TPO: variants seen among roughly 807,000 people sequenced by gnomAD.
TPO encodes the protein thyroid peroxidase, also known as thyroid microsomal antigen.
TPO carries 78 observed loss-of-function variants against 96.9 expected under a neutral mutation model. That is an observed-to-expected ratio of 0.81 (90% CI 0.67 to 0.97). TPO has a LOEUF of 0.97. Among genes scored for constraint, TPO ranks in the 50% least tolerant of loss-of-function variants. TPO has a pLI of 0.00. For synonymous variants in TPO, 547 were observed against 538.0 expected (o/e 1.02, Z -0.23); for missense variants, 1,252 against 1,274.8 (o/e 0.98, Z 0.27).
chr2:1,454,628 G>C lies in TPO; in HGVS notation c.612+805G>C, dbSNP rs566244181. On this transcript the variant is annotated intron_variant, in intron 6 of 16. Transcript: ENST00000329066. The stretch of plus-strand genomic sequence containing the variant: ...GCAGGGACAAGGCAATTGGGCTCAC[G>C]CTCTGCTCCCACTGGCTTCCTGCAA... Among the ~76,000 whole-genome samples the C allele has an allele frequency of 1.4e-4, 22 of 152,272 alleles. No homozygotes were observed. The South Asian group carries it at 3.5e-3, about 24-fold the overall frequency.
chr2:1,438,863 T>C lies in TPO; in HGVS notation c.482+2479T>C, dbSNP rs1252601812. The C allele has an allele frequency of 4.2e-6, 3 of 717,288 alleles. No homozygotes were observed. The South Asian group carries it at 4.4e-5, about 11-fold the overall frequency. 44.4% of individuals were successfully genotyped at this position (717,288 alleles called of 1,614,324 possible). ...CATTCCGAAACTGCCAACTAACCTG[T>C]TTAACTAGGAACCTTCCAGCAGGAC... On this transcript the variant is annotated intron_variant, in intron 5 of 16. Transcript: ENST00000329066.
intron 5 of TPO, 99 bp from the exon 6 acceptor site, chr2:1,453,595 C>T (rs759408422): frequency 6.9e-6 from 11 of 1,596,786 alleles, no homozygotes; most frequent in Non-Finnish European, 8.6e-6. Flanking sequence ...CGGAGAGACC[C>T]CACTTATTCT....
At chr2:1,536,134 C>G (rs1419690940) in intron 15 of TPO, among the ~76,000 whole-genome samples, 1 of 45,564 alleles carries the variant, frequency 2.2e-5, no homozygotes, top group Non-Finnish European at 4.4e-5. Context: ...CCCCAAATCC[C>G]CCAATCTATG....
chr2:1,495,512 G>A (rs1156318673), intron 11 of TPO, among the ~76,000 whole-genome samples: 1 of 152,234 alleles, frequency 6.6e-6, no homozygotes, highest in Non-Finnish European at 1.5e-5. Flanking sequence ...CTCTAAAATA[G>A]CTGGATTTGC....
intron 13 of TPO, among the ~76,000 whole-genome samples, chr2:1,500,505 A>C (rs1029564976): frequency 1.3e-5 from 2 of 152,214 alleles, no homozygotes; most frequent in Non-Finnish European, 2.9e-5. Context: ...ATTGATAAGA[A>C]TATAAGCACT....
intron 15 of TPO, among the ~76,000 whole-genome samples, chr2:1,527,925 ACCT>A (rs1377069791): frequency 2.2e-5 from 2 of 90,256 alleles, no homozygotes; most frequent in African/African-American, 4.7e-5. Context: ...AATGTGAGCA[ACCT>A]CCTCAAATCC....
intron 7 of TPO, among the ~76,000 whole-genome samples, chr2:1,469,777 TC>T (rs34131144): frequency 6.6e-6 from 1 of 152,172 alleles, no homozygotes; most frequent in Admixed American, 6.5e-5. Flanking sequence ...GGACGATCTC[TC>T]CCACTTCCTC....
Position 1,542,724 on chromosome 2 carries a change from A to ATTACACATCTTTATTTTG in TPO, c.*252_*269dup. The ATTACACATCTTTATTTTG allele has an allele frequency of 9.0e-7, 1 of 1,105,998 alleles. No homozygotes were observed. The highest frequency in any genetic ancestry group is 2.5e-5 in the Admixed American group (1 of 39,804). The allele number at this position is 1,105,998 out of a possible 1,614,324, so 68.5% of individuals were successfully genotyped here. The stretch of plus-strand genomic sequence containing the variant: ...CTTTGCCATTAAAATGTATTTACAG[A>ATTACACATCTTTATTTTG]TTACACATCTTTATTTTGTGAACCC... On this transcript the variant is annotated 3_prime_UTR_variant, in exon 17 of 17. Transcript: ENST00000329066.
chr2:1,542,608 G>T lies in TPO; in HGVS notation c.*134G>T. ...ACACGGGTAAATCTAGTACCATGTC[G>T]TAGTTACTCTCAGGCATGGATGAAT... On this transcript the variant is annotated 3_prime_UTR_variant, in exon 17 of 17. Transcript: ENST00000329066. 2 of 1,554,476 alleles carry T rather than the reference G, an allele frequency of 1.3e-6. No homozygotes were observed. Among genetic ancestry groups the T allele is most frequent in the Non-Finnish European group, 1.7e-6 (2 of 1,148,246 alleles).
rs1418745135 is a variant in TPO at position 1,403,749 on chromosome 2, A to G, written n.180+29347A>G. On this transcript the variant is annotated intron_variant and non_coding_transcript_variant, in intron 1 of 5. Transcript: ENST00000497517. ...TGGCTCCATCTCCCTCCTTCCGAGC[A>G]CACCGTGGGTTCACATTTCACTGTG... Among the ~76,000 whole-genome samples the G allele has an allele frequency of 2.0e-5, 3 of 152,160 alleles. No homozygotes were observed. The East Asian group carries it at 5.8e-4, about 29-fold the overall frequency.
Position 1,496,154 on chromosome 2 carries a change from C to T in TPO, c.2172C>T (p.Ile724=). The T allele has an allele frequency of 6.2e-7, 1 of 1,614,118 alleles. No homozygotes were observed. The change falls in exon 12 of 17, where the codon ATC becomes ATT. Residue 724 remains isoleucine, a synonymous_variant. Coordinates refer to ENST00000329066, the MANE Select transcript of TPO (RefSeq NM_001206744.2). ...AAGACTTTGAGTCTTGTGACAGCATCACTGGCATGAACCTGGAGGCCTGGA... is the reference window on the plus strand; with the variant it reads ...AAGACTTTGAGTCTTGTGACAGCATTACTGGCATGAACCTGGAGGCCTGGA... ...FPEDFESCDS[I]TGMNLEAWRE...
rs762180430 is a variant in TPO, at chr2:1,496,676, A to T, written c.2297A>T (p.Tyr766Phe). ...GAGTCTGGGAGGCGCGTGCTGGTGT[A>T]TTCCTGCCGGCACGGGTATGAGCTC... is the stretch of plus-strand genomic sequence containing the variant. Reference protein sequence around the residue: ...CEESGRRVLVYSCRHGYELQG... With the variant: ...CEESGRRVLVFSCRHGYELQG... The change falls in exon 13 of 17, where the codon TAT becomes TTT. Residue 766 changes from tyrosine (Y) to phenylalanine (F), a missense_variant. Physicochemically the swap from Tyr to Phe is conservative, Grantham distance 22. Coordinates refer to ENST00000329066, the MANE Select transcript of TPO (RefSeq NM_001206744.2). 2 of 1,613,980 alleles carry T rather than the reference A, an allele frequency of 1.2e-6. No homozygotes were observed. The highest frequency in any genetic ancestry group is 2.2e-5 in the South Asian group (2 of 91,066).
chr2:1,528,322 CAA>C (rs1677109011), intron 15 of TPO, among the ~76,000 whole-genome samples: 1 of 137,512 alleles, frequency 7.3e-6, no homozygotes. Flanking sequence ...GCAACCTCCA[CAA>C]ATCCTCCCAA....
intron 10 of TPO, among the ~76,000 whole-genome samples, chr2:1,491,097 G>A (rs899267702): frequency 1.3e-5 from 2 of 152,066 alleles, no homozygotes; most frequent in Non-Finnish European, 2.9e-5. Flanking sequence ...TTGAACCCAG[G>A]AGGCAGAAGT....
At chr2:1,441,212 G>A (rs1362467948) in intron 5 of TPO, among the ~76,000 whole-genome samples, 1 of 152,108 alleles carries the variant, frequency 6.6e-6, no homozygotes, top group Non-Finnish European at 1.5e-5. Context: ...TTTGTGTGGT[G>A]TAGTCAGTGC....
Position 1,420,253 on chromosome 2 carries a change from C to A in TPO, c.95-2792C>A, listed in dbSNP as rs60044030. Among the ~76,000 whole-genome samples, 998 of 152,310 alleles carry A rather than the reference C, an allele frequency of 6.6e-3. 39 individuals are homozygous for A. In the East Asian group the frequency reaches 0.089, roughly 14 times the overall value. ...TGGTCAATAACAAGGAATGATCTCTCTAGTAACTGCCGTTTCCAAGCATAG... is the reference window on the plus strand; with the variant it reads ...TGGTCAATAACAAGGAATGATCTCTATAGTAACTGCCGTTTCCAAGCATAG... On this transcript the variant is annotated intron_variant, in intron 2 of 16. Coordinates refer to ENST00000329066, the MANE Select transcript of TPO (RefSeq NM_001206744.2).
intron 15 of TPO, among the ~76,000 whole-genome samples, chr2:1,539,622 G>A (rs1285482990): frequency 2.0e-5 from 3 of 152,172 alleles, no homozygotes; most frequent in Admixed American, 6.5e-5. Flanking sequence ...ATGGCTATGC[G>A]GAGGGCGCTG....
chr2:1,421,463 C>T (rs568649013), intron 2 of TPO, among the ~76,000 whole-genome samples: 1 of 152,312 alleles, frequency 6.6e-6, no homozygotes, highest in African/African-American at 2.4e-5. Flanking sequence ...TTGTCTCACT[C>T]CAGAGCCCAT....
Position 1,504,026 on chromosome 2 carries a change from A to G in TPO, c.2465A>G (p.Gln822Arg), listed in dbSNP as rs780456270. 14 of 1,614,092 alleles carry G rather than the reference A, an allele frequency of 8.7e-6. No individual in the cohort carries two copies. The Admixed American group carries it at 1.7e-4, about 19-fold the overall frequency. ...TGCAGAAACACCAAAGGCGGCTTCCAGTGTCTCTGCGCGGACCCCTACGAG... is the reference window on the plus strand; with the variant it reads ...TGCAGAAACACCAAAGGCGGCTTCCGGTGTCTCTGCGCGGACCCCTACGAG... ...ARCRNTKGGFQCLCADPYELG... is the reference protein window; with the variant it reads ...ARCRNTKGGFRCLCADPYELG... The change falls in exon 14 of 17, where the codon CAG (glutamine) becomes CGG (arginine). Residue 822 changes from glutamine to arginine, a missense_variant. Coordinates refer to ENST00000329066, the MANE Select transcript of TPO (RefSeq NM_001206744.2).
Sources: allele counts gnomAD v4.1 joint callset (sites outside exome capture counted in the v4.1 genomes callset), GRCh38; gene constraint gnomAD v4.1.1; transcripts MANE v1.5; gene names NCBI Gene and HGNC (gene_info 2026-07-23, HGNC 2026-07-21).